The following KLF12 variants were observed in gnomAD, a reference collection of about 807,000 sequenced individuals.
The protein encoded by KLF12 is KLF transcription factor 12, also known as Krueppel-like factor 12.
KLF12 carries 9 observed loss-of-function variants against 37.8 expected under a neutral mutation model. That is an observed-to-expected ratio of 0.24 (90% CI 0.14 to 0.42). The LOEUF is 0.42. Ranked by LOEUF, KLF12 falls within the 10% of genes least tolerant of loss-of-function variation. The pLI is 1.00. For missense variants in KLF12, 411 were observed against 516.0 expected (o/e 0.80, Z 1.97); for synonymous variants, 208 against 202.1 (o/e 1.03, Z -0.25).
chr13:73,711,203 T>C (rs1875371961), intron 7 of KLF12, among the ~76,000 whole-genome samples: 1 of 152,196 alleles, frequency 6.6e-6, no homozygotes, highest in Non-Finnish European at 1.5e-5. Context: ...CCATAACATA[T>C]AAGTGCAAGT....
At chr13:74,081,017 C>T (rs951658424) in intron 1 of KLF12, among the ~76,000 whole-genome samples, 7 of 152,290 alleles carry the variant, frequency 4.6e-5, no homozygotes, top group African/African-American at 1.4e-4. Context: ...CCCAAGTCTT[C>T]CTCCATTGGG....
chr13:74,156,237 A>T, the KLF12 span, among the ~76,000 whole-genome samples: 7 of 152,218 alleles, frequency 4.6e-5, no homozygotes, highest in African/African-American at 1.7e-4. Context: ...AAATTGGTAC[A>T]GAGTTCTGGG....
intron 2 of KLF12, among the ~76,000 whole-genome samples, chr13:73,947,523 C>T (rs547628547): frequency 7.3e-5 from 11 of 151,646 alleles, no homozygotes; most frequent in South Asian, 6.3e-4. Flanking sequence ...TTGTGGTGGG[C>T]GCCTGTAGTA....
chr13:74,047,521 C>T (rs928636910), intron 1 of KLF12, among the ~76,000 whole-genome samples: 1 of 151,570 alleles, frequency 6.6e-6, no homozygotes, highest in Admixed American at 6.6e-5. Flanking sequence ...GGAGTGAACC[C>T]GGGAGGCAGA....
the KLF12 span, among the ~76,000 whole-genome samples, chr13:74,221,068 T>C: frequency 2.0e-5 from 3 of 151,212 alleles, no homozygotes; most frequent in Non-Finnish European, 3.0e-5. Context: ...GCAGTGGTGC[T>C]ATCTCGGCTC....
At chr13:73,894,764 T>C (rs924491960) in intron 3 of KLF12, among the ~76,000 whole-genome samples, 3 of 152,174 alleles carry the variant, frequency 2.0e-5, no homozygotes, top group Admixed American at 2.0e-4. Flanking sequence ...TTAATGAAAA[T>C]TCTTTTGACT....
At chr13:73,808,935 T>C (rs1882787538) in intron 5 of KLF12, among the ~76,000 whole-genome samples, 1 of 152,194 alleles carries the variant, frequency 6.6e-6, no homozygotes, top group Non-Finnish European at 1.5e-5. Flanking sequence ...TCATATCCCT[T>C]TCCTTTCTCA....
At chr13:74,213,595 C>T in the KLF12 span, among the ~76,000 whole-genome samples, 2 of 150,564 alleles carry the variant, frequency 1.3e-5, no homozygotes, top group African/African-American at 4.9e-5. Flanking sequence ...TCCCTCCCTC[C>T]TTCCCTCCCC....
At chr13:74,027,578 G>T (rs1278954418) in intron 1 of KLF12, among the ~76,000 whole-genome samples, 1 of 152,036 alleles carries the variant, frequency 6.6e-6, no homozygotes, top group African/African-American at 2.4e-5. Context: ...GAAGATAAAG[G>T]TTCCACTCAG....
chr13:74,127,859 G>C (rs1389289385), intron 1 of KLF12, among the ~76,000 whole-genome samples: 1 of 152,124 alleles, frequency 6.6e-6, no homozygotes, highest in African/African-American at 2.4e-5. Flanking sequence ...ATCAGACATA[G>C]CTTAATCAAC....
intron 5 of KLF12, among the ~76,000 whole-genome samples, chr13:73,793,806 A>G (rs1566371961): frequency 6.6e-6 from 1 of 152,074 alleles, no homozygotes; most frequent in African/African-American, 2.4e-5. Flanking sequence ...CAACATCCAT[A>G]CTCTCCTACT....
At chr13:74,113,991 G>C (rs1877132432) in intron 1 of KLF12, among the ~76,000 whole-genome samples, 1 of 152,206 alleles carries the variant, frequency 6.6e-6, no homozygotes, top group Non-Finnish European at 1.5e-5. Context: ...AGTGGAATAA[G>C]TAACTGAAGA....
intron 5 of KLF12, among the ~76,000 whole-genome samples, chr13:73,810,367 ATAGT>A (rs1882861340): frequency 6.6e-6 from 1 of 152,210 alleles, no homozygotes; most frequent in Non-Finnish European, 1.5e-5. Context: ...AAGCACAAAA[ATAGT>A]TATGTTTAAG....
At chr13:73,839,548 GA>G (rs1884632475) in intron 4 of KLF12, among the ~76,000 whole-genome samples, 1 of 152,046 alleles carries the variant, frequency 6.6e-6, no homozygotes, top group Admixed American at 6.6e-5. Context: ...AAACAATGAA[GA>G]AAAAATGTTG....
chr13:73,702,025 CACAA>C (rs936407094), intron 7 of KLF12, among the ~76,000 whole-genome samples: 20 of 151,992 alleles, frequency 1.3e-4, no homozygotes, highest in African/African-American at 4.6e-4. Flanking sequence ...CACACACACA[CACAA>C]AAAAAGGGTG....
intron 1 of KLF12, among the ~76,000 whole-genome samples, chr13:74,078,976 G>A (rs1392110525): frequency 6.6e-6 from 1 of 152,146 alleles, no homozygotes; most frequent in Non-Finnish European, 1.5e-5. Context: ...CTTCAGAGAC[G>A]TTTAAAAGCA....
intron 1 of KLF12, among the ~76,000 whole-genome samples, chr13:74,063,104 C>T (rs1016806998): frequency 2.6e-5 from 4 of 152,206 alleles, no homozygotes; most frequent in African/African-American, 7.2e-5. Context: ...TGCCTCGGTG[C>T]ACCATGTCAG....
chr13:73,845,678 T>C (rs1387928480), intron 4 of KLF12, 149 bp downstream of exon 4: 3 of 647,708 alleles, frequency 4.6e-6, no homozygotes, highest in Non-Finnish European at 7.9e-6. Context: ...AACTGTGTTC[T>C]ACTTAAGGCT....
the KLF12 span, among the ~76,000 whole-genome samples, chr13:74,153,056 C>G: frequency 1.3e-5 from 2 of 151,870 alleles, no homozygotes. Flanking sequence ...TTGCTATGTG[C>G]CTGTTACTGT....
Sources: allele counts gnomAD v4.1 joint callset (sites outside exome capture counted in the v4.1 genomes callset), GRCh38; gene constraint gnomAD v4.1.1; transcripts MANE v1.5; gene names NCBI Gene and HGNC (gene_info 2026-07-23, HGNC 2026-07-21).